Variants in NBPF26 observed in about 807,000 individuals in gnomAD.
The protein encoded by NBPF26 is NBPF family member NBPF26.
Under a neutral mutation model 119.6 loss-of-function variants are expected in NBPF26, and 79 were observed. That is an observed-to-expected ratio of 0.66 (90% confidence interval 0.55 to 0.80). The LOEUF is 0.80. NBPF26 is among the 30% of genes least tolerant of loss of function. NBPF26 has a pLI of 0.00. For synonymous variants in NBPF26, 299 were observed against 457.7 expected (o/e 0.65, Z 4.43); for missense variants, 800 against 1,198.2 (o/e 0.67, Z 4.91).
At chr1:120,765,996 G>A (rs1232671200) in intron 2 of NBPF26, among the ~76,000 whole-genome samples, 1 of 30,580 alleles carries the variant, frequency 3.3e-5, no homozygotes, top group Admixed American at 2.8e-4. Flanking sequence ...GGGGGGAAAG[G>A]GAGGGGAGAG....
At position 120,810,575 on chromosome 1, in the gene NBPF26, T is replaced by C; in HGVS notation, c.1564+17T>C. ...TTCTCCCAGGTAGCCTCTATTTTCC[T>C]TGTGTCTCATACCTCTGTCTAGGCT... On this transcript the variant is annotated intron_variant, in intron 9 of 29. Coordinates refer to ENST00000620612, the Ensembl canonical transcript of NBPF26. The C allele has an allele frequency of 7.1e-7, 1 of 1,418,202 alleles. No individual in the cohort carries two copies. Among genetic ancestry groups the C allele is most frequent in the Non-Finnish European group, 9.6e-7 (1 of 1,041,056 alleles). 87.9% of individuals were successfully genotyped at this position (1,418,202 alleles called of 1,614,324 possible). A position where few individuals can be genotyped will look rare whatever the true frequency, so the allele number is the denominator to read the frequency against.
Position 120,840,543 on chromosome 1 carries a change from G to A in NBPF26, c.4297G>A (p.Val1433Met), listed in dbSNP as rs1652494983. Residue 1433 changes from valine (V) to methionine (M), a missense_variant, in exon 30 of 30, where the codon GTG becomes ATG. Physicochemically the swap from Val to Met is conservative, Grantham distance 21. Transcript: ENST00000620612. Reference sequence around the variant, plus strand: ...GGACAATAGGTTTTTTACTTTGACGGTGACAAGTCTCCACCTGGTGTTCCA... The same window carrying A: ...GGACAATAGGTTTTTTACTTTGACGATGACAAGTCTCCACCTGGTGTTCCA... 6 of 1,468,472 alleles carry A rather than the reference G, an allele frequency of 4.1e-6. 2 individuals carry two copies. The highest frequency in any genetic ancestry group is 2.0e-5 in the African/African-American group (1 of 50,392). The allele number at this position is 1,468,472 out of a possible 1,614,324, so 91.0% of individuals were successfully genotyped here.
exon 30 of NBPF26, chr1:120,840,504 T>C: frequency 6.8e-7 from 1 of 1,476,504 alleles, no homozygotes; most frequent in Non-Finnish European, 9.2e-7. Context: ...GCATATCAGC[T>C]TCGCCCTTTA....
At chr1:120,745,830 A>C (rs1439054620) in intron 1 of NBPF26, among the ~76,000 whole-genome samples, 1 of 92,440 alleles carries the variant, frequency 1.1e-5, no homozygotes, top group Non-Finnish European at 2.0e-5. Context: ...AAAAAAAAAA[A>C]AAAAACAAGG....
intron 17 of NBPF26, among the ~76,000 whole-genome samples, chr1:120,823,684 A>G (rs1652180553): frequency 8.2e-6 from 1 of 121,222 alleles, no homozygotes; most frequent in Non-Finnish European, 1.7e-5. Flanking sequence ...GTGTCCTGAG[A>G]GCACAAATAC....
intron 1 of NBPF26, among the ~76,000 whole-genome samples, chr1:120,737,530 C>T (rs1246471439): frequency 9.6e-5 from 4 of 41,610 alleles, no homozygotes; most frequent in Non-Finnish European, 1.6e-4. Context: ...ATCAATATGT[C>T]GGCCCTTGTT....
rs1436381509 is a variant in NBPF26, at chr1:120,793,597, G to C, written c.751+101G>C. On this transcript the variant is annotated intron_variant, in intron 4 of 29. Transcript: ENST00000620612. ...ATTTTTTAGGAAGCGCAAGGAAAAA[G>C]GGAAGTGAGAATTTTGTGTGGGGTG... 2.9e-4 allele frequency: 263 copies of C among 910,134 alleles called. 57 individuals carry two copies. In the South Asian group the frequency reaches 3.9e-3, roughly 13 times the overall value. 56.4% of individuals were successfully genotyped at this position (910,134 alleles called of 1,614,324 possible).
Position 120,770,449 on chromosome 1 carries a change from G to A in NBPF26, c.155+6740G>A, listed in dbSNP as rs1480514571. Among the ~76,000 whole-genome samples the A allele has an allele frequency of 1.4e-4, 16 of 112,838 alleles. 1 individual carries two copies. Among genetic ancestry groups the A allele is most frequent in the South Asian group, 7.7e-4 (3 of 3,916 alleles). 74.0% of individuals were successfully genotyped at this position (112,838 alleles called of 152,430 possible). A position where few individuals can be genotyped will look rare whatever the true frequency, so the allele number is the denominator to read the frequency against. ...CTCCCAAAGTGCTGGGATTACAGGC[G>A]TGAGCCACCACACCCAGCCGAGGAC... On this transcript the variant is annotated intron_variant, in intron 2 of 29. Transcript: ENST00000620612.
At chr1:120,840,561 G>T in exon 30 of NBPF26, 7 of 1,466,004 alleles carry the variant, frequency 4.8e-6, no homozygotes, top group Middle Eastern at 2.4e-4. Flanking sequence ...TCTCCACCTG[G>T]TGTTCCAGAT....
At position 120,754,202 on chromosome 1, in the gene NBPF26, C is replaced by CA. The variant is rs1176118362; in HGVS notation, c.74-9413dup. Among the ~76,000 whole-genome samples the CA allele has an allele frequency of 5.0e-3, 72 of 14,502 alleles. 29 individuals are homozygous for CA. Among genetic ancestry groups the CA allele is most frequent in the East Asian group, 0.018 (12 of 666 alleles). The allele number at this position is 14,502 out of a possible 152,430, so 9.5% of individuals were successfully genotyped here. A position where few individuals can be genotyped will look rare whatever the true frequency, so the allele number is the denominator to read the frequency against. ...TGGGCGACAGAGCGAGACTCCATCT[C>CA]AAAAAAAAAAAAAGCTTTAAAAAGG... On this transcript the variant is annotated intron_variant, in intron 1 of 29. Transcript: ENST00000620612.
intron 15 of NBPF26, 81 bp downstream of exon 15, chr1:120,818,255 A>C (rs1652053642): frequency 2.3e-6 from 1 of 434,680 alleles, no homozygotes; most frequent in Non-Finnish European, 4.0e-6. Context: ...GGAAGTGATG[A>C]ATAGAACTAT....
At chr1:120,756,021 G>T in intron 1 of NBPF26, among the ~76,000 whole-genome samples, 1 of 105,254 alleles carries the variant, frequency 9.5e-6, no homozygotes, top group East Asian at 2.3e-4. Flanking sequence ...TTATTTAAAT[G>T]TACCACTTGG....
At position 120,806,335 on chromosome 1, in the gene NBPF26, C is replaced by T. The variant is rs1379080085; in HGVS notation, c.961+570C>T. Among the ~76,000 whole-genome samples, 14 of 113,270 alleles carry T rather than the reference C, an allele frequency of 1.2e-4. 3 individuals are homozygous for T. The highest frequency in any genetic ancestry group is 2.1e-4 in the Non-Finnish European group (12 of 57,196). 74.3% of individuals were successfully genotyped at this position (113,270 alleles called of 152,430 possible). On this transcript the variant is annotated intron_variant, in intron 5 of 29. Transcript: ENST00000620612. The stretch of plus-strand genomic sequence containing the variant: ...AGGGGCCGTGCAACGTGGCTCACTC[C>T]TATAATCTCAGCACTTTGGGAGGCT...
intron 1 of NBPF26, among the ~76,000 whole-genome samples, chr1:120,737,659 C>G (rs1188231866): frequency 8.7e-6 from 1 of 114,314 alleles, no homozygotes; most frequent in Non-Finnish European, 1.7e-5. Flanking sequence ...AAATAATTTG[C>G]CTGTGAACCT....
chr1:120,832,519 A>C (rs1389209998), intron 22 of NBPF26, among the ~76,000 whole-genome samples: 2 of 77,828 alleles, frequency 2.6e-5, no homozygotes, highest in Non-Finnish European at 4.3e-5. Context: ...ACCATGAACA[A>C]TCTGACTATT....
chr1:120,752,519 A>AATATATATAT (rs1204399606), intron 1 of NBPF26, among the ~76,000 whole-genome samples: 44 of 14,648 alleles, frequency 3.0e-3, no homozygotes, highest in African/African-American at 0.012. Flanking sequence ...GAAGTTCAGG[A>AATATATATAT]ATATATATAT....
At chr1:120,823,754 G>GTGTGTGTGTGT (rs1457917152) in intron 17 of NBPF26, among the ~76,000 whole-genome samples, 2 of 72,654 alleles carry the variant, frequency 2.8e-5, no homozygotes, top group Non-Finnish European at 4.9e-5. Flanking sequence ...AGCTCGCTCT[G>GTGTGTGTGTGT]TGTGTGTGTG....
intron 1 of NBPF26, among the ~76,000 whole-genome samples, chr1:120,755,438 C>G (rs1161306596): frequency 1.1e-5 from 1 of 92,046 alleles, no homozygotes; most frequent in Non-Finnish European, 1.9e-5. Context: ...AGTCTCATCT[C>G]CAAGATCCAG....
At chr1:120,811,116 T>G (rs1651852725) in intron 9 of NBPF26, among the ~76,000 whole-genome samples, 2 of 102,954 alleles carry the variant, frequency 1.9e-5, no homozygotes, top group East Asian at 2.2e-4. Flanking sequence ...GGTGTGGTGG[T>G]GGGTGCCTGT....
Sources: gnomAD v4.1 joint callset for allele counts (sites outside exome capture counted in the v4.1 genomes callset) on GRCh38, gnomAD v4.1.1 for gene constraint, MANE v1.5 for transcripts, NCBI Gene and HGNC (gene_info 2026-07-23, HGNC 2026-07-21) for gene names.